STK32C: variants seen among roughly 807,000 people sequenced by gnomAD.
The protein encoded by STK32C is serine/threonine kinase 32C, also known as serine/threonine-protein kinase 32C.
A neutral mutation model predicts 56.5 loss-of-function variants in STK32C; 31 were observed. The ratio of observed to expected loss-of-function variants is 0.55; its 90% CI spans 0.41 to 0.74. The LOEUF is 0.74. Ranked by LOEUF, STK32C falls within the 30% of genes least tolerant of loss-of-function variation. The pLI is 0.00. For missense variants in STK32C, 544 were observed against 676.9 expected (o/e 0.80, Z 2.18); for synonymous variants, 309 against 289.4 (o/e 1.07, Z -0.69).
In STK32C at chr10:132,307,706, G is replaced by A. The variant is rs772470174; in HGVS notation, c.128C>T (p.Pro43Leu). ...SALPPPAAGQ[P>L]RARDSGDVRS... ...GACATCGCCCGAGTCCCGGGCCCGGGGCTGGCCAGCAGCGGGCGGCGGCAG... is the reference window on the plus strand; with the variant it reads ...GACATCGCCCGAGTCCCGGGCCCGGAGCTGGCCAGCAGCGGGCGGCGGCAG... The change falls in exon 1 of 12, where the codon CCC (proline) becomes CTC (leucine). Residue 43 changes from proline (P) to leucine (L), a missense_variant. Transcript: ENST00000298630. The surrounding 1 kb of genome is among the most constrained non-coding windows in gnomAD (Gnocchi z 4.4). 3 of 1,435,764 alleles carry A rather than the reference G, an allele frequency of 2.1e-6. No homozygotes were observed. The highest frequency in any genetic ancestry group is 2.8e-6 in the Non-Finnish European group (3 of 1,085,610). 88.9% of individuals were successfully genotyped at this position (1,435,764 alleles called of 1,614,324 possible). A position where few individuals can be genotyped will look rare whatever the true frequency, so the allele number is the denominator to read the frequency against.
At chr10:132,224,904 G>A (rs2062829021) in intron 7 of STK32C, among the ~76,000 whole-genome samples, 1 of 152,194 alleles carries the variant, frequency 6.6e-6, no homozygotes, top group South Asian at 2.1e-4. Context: ...GGCCACAAGG[G>A]TAAGAGCACA....
intron 1 of STK32C, among the ~76,000 whole-genome samples, chr10:132,316,355 G>A (rs992545001): frequency 6.6e-6 from 1 of 152,172 alleles, no homozygotes; most frequent in Non-Finnish European, 1.5e-5. Context: ...ACTCATACTT[G>A]TCACCCGAGC....
At chr10:132,311,414 G>T (rs778536052), upstream of STK32C, among the ~76,000 whole-genome samples, 15 of 152,242 alleles carry the variant, frequency 9.9e-5, no homozygotes, top group Non-Finnish European at 1.9e-4. The surrounding 1 kb of genome is among the most constrained non-coding windows in gnomAD (Gnocchi z 4.4). Flanking sequence ...AAGACAGATG[G>T]CCGTGGCGCC....
chr10:132,272,479 C>A (rs553725420), intron 1 of STK32C, among the ~76,000 whole-genome samples: 2 of 152,348 alleles, frequency 1.3e-5, no homozygotes, highest in African/African-American at 2.4e-5. Flanking sequence ...CTCACACTGC[C>A]ACAGCCCCAG....
rs1436085955 is a variant in STK32C, at chr10:132,255,799, A to C, written c.263-9844T>G. Among the ~76,000 whole-genome samples, 1 of 152,150 alleles carries C rather than the reference A, an allele frequency of 6.6e-6. No homozygotes were observed. Among genetic ancestry groups the C allele is most frequent in the Non-Finnish European group, 1.5e-5 (1 of 68,014 alleles). On this transcript the variant is annotated intron_variant, in intron 1 of 11. Transcript: ENST00000298630. This position sits in a 1 kb window ranked among gnomAD's most constrained non-coding sequence, Gnocchi z 4.6. The stretch of plus-strand genomic sequence containing the variant: ...AGAGGGGGCCTGGAGCCTCGAGGTC[A>C]TGCCTGGGTGCCAGCACCATGGCCC...
intron 1 of STK32C, among the ~76,000 whole-genome samples, chr10:132,291,749 T>TC (rs888544398): frequency 9.8e-5 from 7 of 71,638 alleles, no homozygotes; most frequent in African/African-American, 2.7e-4. Context: ...AGAGACCCCA[T>TC]CCCCCCCACC....
Position 132,223,135 on chromosome 10 carries a change from G to A in STK32C, c.994-149C>T, listed in dbSNP as rs1212105420. The stretch of plus-strand genomic sequence containing the variant: ...ACCTCAGGGCCACGCGAGGAAGGGT[G>A]GTGCCGACGGCCGACATCAGGCAAA... On this transcript the variant is annotated intron_variant, in intron 8 of 11. Coordinates refer to ENST00000298630, the MANE Select transcript of STK32C (RefSeq NM_173575.4). 9.9e-6 allele frequency: 11 copies of A among 1,109,206 alleles called. No individual in the cohort carries two copies. The East Asian group carries it at 2.9e-4, about 29-fold the overall frequency. 68.7% of individuals were successfully genotyped at this position (1,109,206 alleles called of 1,614,324 possible).
At chr10:132,331,856 G>T (rs577493247), upstream of STK32C, 3 of 1,408,210 alleles carry the variant, frequency 2.1e-6, no homozygotes, top group Admixed American at 2.1e-5. Flanking sequence ...GGATGCTACC[G>T]TTGGCCGCGT....
At position 132,307,576 on chromosome 10, in the gene STK32C, C is replaced by T. The variant is rs2138411010; in HGVS notation, c.258G>A (p.Glu86=). The T allele has an allele frequency of 6.4e-7, 1 of 1,552,472 alleles. No individual in the cohort carries two copies. The highest frequency in any genetic ancestry group is 8.7e-7 in the Non-Finnish European group (1 of 1,151,948). The change falls in exon 1 of 12, where the codon GAG becomes GAA. Residue 86 remains glutamate (E), a synonymous_variant. Transcript: ENST00000298630. The surrounding 1 kb of genome is among the most constrained non-coding windows in gnomAD (Gnocchi z 4.4). ...CGTCCCCGTGCCCGCACTCACCGTC[C>T]TCCTTGTCGTCAAACACCGGCCTCC... The part of the protein sequence containing the change: ...TARRPVFDDK[E]DVNFDHFQIL...
intron 10 of STK32C, among the ~76,000 whole-genome samples, chr10:132,217,136 G>C (rs1204727916): frequency 6.6e-6 from 1 of 152,252 alleles, no homozygotes; most frequent in African/African-American, 2.4e-5. Context: ...AAGCAGCCGG[G>C]AGGAAGGCTG....
chr10:132,264,906 G>A (rs1022058479), intron 1 of STK32C, among the ~76,000 whole-genome samples: 3 of 152,230 alleles, frequency 2.0e-5, no homozygotes, highest in Admixed American at 6.5e-5. Flanking sequence ...TAGGAAAGAC[G>A]TTAAACTATG....
intron 1 of STK32C, among the ~76,000 whole-genome samples, chr10:132,248,455 C>T (rs2063766844): frequency 1.3e-5 from 2 of 152,260 alleles, no homozygotes; most frequent in Middle Eastern, 3.2e-3. Context: ...ATGAACTCCG[C>T]TGGGCGGCTC....
intron 2 of STK32C, among the ~76,000 whole-genome samples, chr10:132,230,084 G>A (rs965437559): frequency 6.6e-5 from 10 of 152,352 alleles, no homozygotes; most frequent in South Asian, 6.2e-4. Flanking sequence ...GCTGAGGAGC[G>A]GGGGCAGCTG....
At chr10:132,273,553 T>C (rs1170997438) in intron 1 of STK32C, among the ~76,000 whole-genome samples, 1 of 151,492 alleles carries the variant, frequency 6.6e-6, no homozygotes, top group Non-Finnish European at 1.5e-5. Context: ...ATGAGATGAA[T>C]GAGCGAATGA....
intron 10 of STK32C, among the ~76,000 whole-genome samples, chr10:132,214,633 G>C (rs2062411773): frequency 6.6e-6 from 1 of 152,196 alleles, no homozygotes; most frequent in Non-Finnish European, 1.5e-5. Flanking sequence ...TTTCTTAATT[G>C]ATCCAAAAGA....
intron 1 of STK32C, among the ~76,000 whole-genome samples, chr10:132,262,957 A>C (rs2064354544): frequency 6.6e-6 from 1 of 152,212 alleles, no homozygotes; most frequent in Non-Finnish European, 1.5e-5. Context: ...TGCTGGCAAG[A>C]CTGCAGAGAA....
At chr10:132,242,178 T>C (rs2137889615) in intron 2 of STK32C, among the ~76,000 whole-genome samples, 1 of 151,744 alleles carries the variant, frequency 6.6e-6, no homozygotes, top group Admixed American at 6.6e-5. Flanking sequence ...TGATCGTGAA[T>C]GAGGCAGTGC....
At chr10:132,252,400 G>A (rs980840387) in intron 1 of STK32C, among the ~76,000 whole-genome samples, 1 of 152,268 alleles carries the variant, frequency 6.6e-6, no homozygotes, top group Non-Finnish European at 1.5e-5. Context: ...GGCATGGGTC[G>A]TGATTACGGG....
rs528076727 is a variant in STK32C at position 132,289,558 on chromosome 10, G to C, written c.262+18014C>G. Among the ~76,000 whole-genome samples the C allele has an allele frequency of 6.0e-4, 91 of 152,344 alleles. 1 individual carries two copies. In the South Asian group the frequency reaches 0.017, roughly 28 times the overall value. ...CAGGCTACTATAACAGATTGCCATA[G>C]ACCTGATTCCTCAAACAACAGAGAT... On this transcript the variant is annotated intron_variant, in intron 1 of 11. Transcript: ENST00000298630.
Sources: allele counts gnomAD v4.1 joint callset (sites outside exome capture counted in the v4.1 genomes callset), GRCh38; gene constraint gnomAD v4.1.1; non-coding constraint Gnocchi (gnomAD v3.1); transcripts MANE v1.5; gene names NCBI Gene and HGNC (gene_info 2026-07-23, HGNC 2026-07-21).